The following HERC1 variants were observed in gnomAD, a reference collection of about 807,000 sequenced individuals.
HERC1 encodes HECT and RLD domain containing E3 ubiquitin protein ligase family member 1.
Under a neutral mutation model 554.3 loss-of-function variants are expected in HERC1, and 160 were observed. The ratio of observed to expected loss-of-function variants is 0.29; its 90% CI spans 0.25 to 0.33. HERC1 has a LOEUF of 0.33. Ranked by LOEUF, HERC1 falls within the 10% of genes least tolerant of loss-of-function variation. The pLI, the probability that HERC1 is intolerant of heterozygous loss-of-function variation, is 1.00. For missense variants in HERC1, 4,919 were observed against 5,918.5 expected (o/e 0.83, Z 5.54); for synonymous variants, 2,175 against 2,131.7 (o/e 1.02, Z -0.56).
At chr15:63,809,862 T>C (rs745761009) in intron 1 of HERC1, among the ~76,000 whole-genome samples, 1 of 151,714 alleles carries the variant, frequency 6.6e-6, no homozygotes, top group Non-Finnish European at 1.5e-5. Context: ...TTTTTTAAAA[T>C]AGAGATAAGG....
rs2071099951 is a variant in HERC1 at position 63,674,521 on chromosome 15, T to C, written c.7667A>G (p.Asp2556Gly). 1.2e-6 allele frequency: 2 copies of C among 1,613,602 alleles called. No individual in the cohort carries two copies. Among genetic ancestry groups the C allele is most frequent in the Non-Finnish European group, 1.7e-6 (2 of 1,179,690 alleles). ...DCASSPVVHE[D>G]VEMRAALQFL... ...CTGCAGGGCTGCTCGCATCTCCACG[T>C]CTTCATGAACAACTGGAGAACTTGC... Residue 2556 changes from aspartate (D) to glycine (G), a missense_variant, in exon 38 of 78, where the codon GAC becomes GGC. Physicochemically the swap from Asp to Gly is moderately conservative, Grantham distance 94 (BLOSUM62 -1). Transcript: ENST00000443617.
intron 26 of HERC1, among the ~76,000 whole-genome samples, chr15:63,697,584 A>G (rs1035154270): frequency 6.6e-6 from 1 of 150,774 alleles, no homozygotes; most frequent in African/African-American, 2.4e-5. Context: ...CCTCCCAAGT[A>G]GCTGGGATTA....
At chr15:63,711,202 G>C (rs886920713) in intron 24 of HERC1, among the ~76,000 whole-genome samples, 1 of 152,174 alleles carries the variant, frequency 6.6e-6, no homozygotes, top group Admixed American at 6.5e-5. Flanking sequence ...GCACATGCCT[G>C]TAATCTCAGC....
chr15:63,703,330 C>T (rs1006909658), intron 25 of HERC1, among the ~76,000 whole-genome samples: 3 of 152,220 alleles, frequency 2.0e-5, no homozygotes, highest in Non-Finnish European at 4.4e-5. Context: ...CTGTCAAATA[C>T]TGAGATTACA....
Position 63,694,850 on chromosome 15 carries a change from C to T in HERC1, c.5166G>A (p.Gln1722=), listed in dbSNP as rs2072310539. The change falls in exon 28 of 78, where the codon CAG becomes CAA. Residue 1722 remains glutamine, a synonymous_variant. Transcript: ENST00000443617. This position sits in a 1 kb window ranked among gnomAD's most constrained non-coding sequence, Gnocchi z 4.3. ...GTTGATAAATTTTATGCACAGCTAC[C>T]TGGATTTCAATCTGAATATTTCTCT... The part of the protein sequence containing the change: ...AAKRNIQIEI[Q]VAVHKIYQQL... The T allele has an allele frequency of 2.5e-6, 4 of 1,613,724 alleles. No homozygotes were observed. The highest frequency in any genetic ancestry group is 2.5e-6 in the Non-Finnish European group (3 of 1,179,708).
intron 1 of HERC1, among the ~76,000 whole-genome samples, chr15:63,803,685 CA>C (rs2077055922): frequency 6.6e-6 from 1 of 152,282 alleles, no homozygotes; most frequent in Admixed American, 6.5e-5. Flanking sequence ...TGATAAAATA[CA>C]TTCCTCCTAA....
chr15:63,764,980 C>G (rs1181549386), intron 2 of HERC1, among the ~76,000 whole-genome samples: 1 of 152,100 alleles, frequency 6.6e-6, no homozygotes, highest in African/African-American at 2.4e-5. Context: ...AAGATTATTG[C>G]TGTGAAAAGG....
Position 63,616,677 on chromosome 15 carries a change from A to T in HERC1, c.13694T>A (p.Leu4565His). Residue 4565 changes from leucine (L) to histidine (H), a missense_variant, in exon 75 of 78, where the codon CTT becomes CAT. Coordinates refer to ENST00000443617, the MANE Select transcript of HERC1 (RefSeq NM_003922.4). Reference protein sequence around the residue: ...AEVGYNRDRFLFNPSACLDEH... With the variant: ...AEVGYNRDRFHFNPSACLDEH... ...ATCGAGGCAGGCAGAAGGGTTAAAAAGGAACCTGTAAAATTAAAGGGAATA... is the reference window on the plus strand; with the variant it reads ...ATCGAGGCAGGCAGAAGGGTTAAAATGGAACCTGTAAAATTAAAGGGAATA... The T allele has an allele frequency of 6.2e-7, 1 of 1,612,604 alleles. No individual in the cohort carries two copies. Among genetic ancestry groups the T allele is most frequent in the East Asian group, 2.2e-5 (1 of 44,886 alleles).
In HERC1 at chr15:63,612,362, CT is replaced by C. The variant is rs2067638800; in HGVS notation, c.14288del (p.Glu4763GlyfsTer11). On this transcript the variant is annotated frameshift_variant, in exon 77 of 78. Transcript: ENST00000443617. LOFTEE classifies it high-confidence loss of function. The surrounding 1 kb of genome is among the most constrained non-coding windows in gnomAD (Gnocchi z 5.0). ...LVQWFWHTLE[E>X]FSNEERVLFM... ...AAAGCACCCGCTCCTCATTGGAGAA[CT>C]CTTCCAGCGTGTGCCAGAACCACTG... is the stretch of plus-strand genomic sequence containing the variant. 1 of 1,613,946 alleles carries C rather than the reference CT, an allele frequency of 6.2e-7. No individual in the cohort carries two copies. The highest frequency in any genetic ancestry group is 1.3e-5 in the African/African-American group (1 of 74,944).
intron 57 of HERC1, among the ~76,000 whole-genome samples, chr15:63,643,837 G>C (rs182973347): frequency 2.0e-5 from 3 of 152,268 alleles, no homozygotes; most frequent in African/African-American, 7.2e-5. Context: ...CTCAGAGACA[G>C]GAAAATACTG....
At chr15:63,766,202 T>A (rs573058873) in intron 2 of HERC1, among the ~76,000 whole-genome samples, 1 of 151,462 alleles carries the variant, frequency 6.6e-6, no homozygotes, top group South Asian at 2.1e-4. Context: ...AGGTCAAACA[T>A]TAACTTCATC....
In HERC1 at chr15:63,729,346, A is replaced by G. The variant is rs1301851479; in HGVS notation, c.3044T>C (p.Leu1015Pro). The stretch of plus-strand genomic sequence containing the variant: ...CAACAAAAGCTGAAGATGTTTATGA[A>G]GCAATGCCACACTGCTTGAGTTCTA... ...ISENSSSVAL[L>P]HKHLQLLLPH... is the part of the protein sequence containing the mutation. Residue 1015 changes from leucine to proline, a missense_variant, in exon 16 of 78, where the codon CTT (leucine) becomes CCT (proline). Leu to Pro is a moderately conservative substitution (Grantham distance 98). Transcript: ENST00000443617. 2 of 1,609,592 alleles carry G rather than the reference A, an allele frequency of 1.2e-6. No individual in the cohort carries two copies. Among genetic ancestry groups the G allele is most frequent in the Non-Finnish European group, 1.7e-6 (2 of 1,178,164 alleles).
chr15:63,608,904 GA>G lies in HERC1; in HGVS notation c.*176del. The G allele has an allele frequency of 1.9e-6, 1 of 516,656 alleles. No individual in the cohort carries two copies. The allele number at this position is 516,656 out of a possible 1,614,324, so 32.0% of individuals were successfully genotyped here. On this transcript the variant is annotated 3_prime_UTR_variant, in exon 78 of 78. Coordinates refer to ENST00000443617, the MANE Select transcript of HERC1 (RefSeq NM_003922.4). ...TTTTTGTTGTTTTTGTACAATCACAGAAAAATAAAAACATCTAATTTCTTTG... is the reference window on the plus strand; with the variant it reads ...TTTTTGTTGTTTTTGTACAATCACAGAAAATAAAAACATCTAATTTCTTTG...
intron 54 of HERC1, 57 bp from the exon 55 acceptor site, chr15:63,648,256 T>G: frequency 6.7e-7 from 1 of 1,497,546 alleles, no homozygotes. Context: ...ATTGTCTGAC[T>G]TAAAAGACAG....
At chr15:63,630,327 AT>A in intron 69 of HERC1, 138 bp downstream of exon 69, 1 of 881,698 alleles carries the variant, frequency 1.1e-6, no homozygotes, top group South Asian at 1.7e-5. Context: ...GACTTACAAA[AT>A]AATCAGTCCC....
chr15:63,806,009 C>T (rs1418997685), intron 1 of HERC1, among the ~76,000 whole-genome samples: 1 of 151,916 alleles, frequency 6.6e-6, no homozygotes, highest in Non-Finnish European at 1.5e-5. Context: ...CCACCCAATG[C>T]TGGTATTCCC....
chr15:63,752,049 CTTCAA>C (rs1192137041), intron 8 of HERC1, among the ~76,000 whole-genome samples: 1 of 152,134 alleles, frequency 6.6e-6, no homozygotes, highest in African/African-American at 2.4e-5. Context: ...CATCTTCTAA[CTTCAA>C]TTCATGGATT....
chr15:63,683,531 T>C (rs1486747896), intron 34 of HERC1, among the ~76,000 whole-genome samples: 28 of 152,314 alleles, frequency 1.8e-4, no homozygotes, highest in East Asian at 1.9e-4. Flanking sequence ...CTAGCCTAAG[T>C]ACATATTTCT....
chr15:63,681,272 G>A (rs1412713475), intron 34 of HERC1, among the ~76,000 whole-genome samples: 3 of 152,050 alleles, frequency 2.0e-5, no homozygotes, highest in Admixed American at 6.6e-5. Flanking sequence ...CATGATCATG[G>A]CTCACTGAAG....
Sources: gnomAD v4.1 joint callset for allele counts (sites outside exome capture counted in the v4.1 genomes callset) on GRCh38, gnomAD v4.1.1 for gene constraint, Gnocchi (gnomAD v3.1) non-coding constraint, MANE v1.5 for transcripts, NCBI Gene and HGNC (gene_info 2026-07-23, HGNC 2026-07-21) for gene names.